B4GALT1: variants seen among roughly 807,000 people sequenced by gnomAD.
The protein encoded by B4GALT1 is N-acetyllactosamine synthase.
B4GALT1 carries 16 observed loss-of-function variants against 34.9 expected under a neutral mutation model. The ratio of observed to expected loss-of-function variants is 0.46; its 90% CI spans 0.31 to 0.70. The LOEUF (loss-of-function observed/expected upper bound fraction) is 0.70, where lower values mean the gene tolerates loss of function less well. Among genes scored for constraint, B4GALT1 ranks in the 30% least tolerant of loss-of-function variants. The pLI is 0.05. For missense variants in B4GALT1, 445 were observed against 530.5 expected (o/e 0.84, Z 1.58); for synonymous variants, 221 against 218.1 (o/e 1.01, Z -0.12).
chr9:33,156,602 G>A (rs1335417686), intron 1 of B4GALT1, among the ~76,000 whole-genome samples: 1 of 152,192 alleles, frequency 6.6e-6, no homozygotes, highest in Non-Finnish European at 1.5e-5. Flanking sequence ...TTGGGCTATT[G>A]TAACAACTTA....
intron 3 of B4GALT1, 48 bp from the exon 4 acceptor site, chr9:33,116,161 T>C (rs774521170): frequency 1.2e-6 from 2 of 1,601,286 alleles, no homozygotes; most frequent in Admixed American, 1.7e-5. Context: ...AGTTAAGTTC[T>C]GACATCCCCA....
intron 2 of B4GALT1, among the ~76,000 whole-genome samples, chr9:33,126,231 T>C (rs911896319): frequency 3.3e-5 from 5 of 152,000 alleles, no homozygotes; most frequent in Non-Finnish European, 7.4e-5. Flanking sequence ...GTGGGTTGCA[T>C]GAAACAGTAA....
chr9:33,168,804 C>T (rs1430481657), upstream of B4GALT1, among the ~76,000 whole-genome samples: 1 of 152,206 alleles, frequency 6.6e-6, no homozygotes, highest in African/African-American at 2.4e-5. Flanking sequence ...AGATCTCTTC[C>T]CTGACCTCCA....
chr9:33,114,742 A>G (rs1198307540), intron 4 of B4GALT1, among the ~76,000 whole-genome samples: 1 of 152,214 alleles, frequency 6.6e-6, no homozygotes, highest in Non-Finnish European at 1.5e-5. Flanking sequence ...AAGAGGCAGA[A>G]CTGGCTGATC....
chr9:33,173,416 CAA>C, the B4GALT1 span, among the ~76,000 whole-genome samples: 8 of 101,156 alleles, frequency 7.9e-5, no homozygotes, highest in East Asian at 2.9e-4. Context: ...AAAAAAAAAG[CAA>C]AAAAAAAAAA....
downstream of B4GALT1, among the ~76,000 whole-genome samples, chr9:33,106,996 CCT>C (rs1258742929): frequency 3.3e-5 from 5 of 152,224 alleles, no homozygotes; most frequent in East Asian, 9.7e-4. Context: ...ATCATTGTGC[CCT>C]CTCTCTACTC....
At chr9:33,105,880 GTTTT>G (rs35330697), downstream of B4GALT1, among the ~76,000 whole-genome samples, 30 of 85,750 alleles carry the variant, frequency 3.5e-4, no homozygotes, top group South Asian at 2.8e-3. Context: ...GGACTCGTGG[GTTTT>G]TTTTTTTTTT....
intron 1 of B4GALT1, among the ~76,000 whole-genome samples, chr9:33,149,523 A>ACCC: frequency 6.6e-6 from 1 of 152,104 alleles, no homozygotes; most frequent in East Asian, 1.9e-4. Context: ...GACCTCAAGC[A>ACCC]ATTTGCCCGC....
At position 33,120,615 on chromosome 9, in the gene B4GALT1, G is replaced by C. The variant is rs779774779; in HGVS notation, c.649-9C>G. The C allele has an allele frequency of 4.3e-6, 7 of 1,613,958 alleles. No homozygotes were observed. Among genetic ancestry groups the C allele is most frequent in the Non-Finnish European group, 5.9e-6 (7 of 1,179,956 alleles). Reference sequence around the variant, plus strand: ...AATATAGTGTCTCCCGCCTGGTGCAGAAACAAAAACAGTGATATCAAATGC... The same window carrying C: ...AATATAGTGTCTCCCGCCTGGTGCACAAACAAAAACAGTGATATCAAATGC... On this transcript the variant is annotated splice_polypyrimidine_tract_variant and intron_variant, in intron 2 of 5. Transcript: ENST00000379731.
intron 2 of B4GALT1, among the ~76,000 whole-genome samples, chr9:33,129,529 G>A (rs939101684): frequency 3.9e-5 from 6 of 152,188 alleles, no homozygotes; most frequent in African/African-American, 1.2e-4. Flanking sequence ...ATAAACAAAG[G>A]GGCAGGAATC....
chr9:33,108,338 T>C (rs1353508115), downstream of B4GALT1, among the ~76,000 whole-genome samples: 1 of 151,014 alleles, frequency 6.6e-6, no homozygotes, highest in Non-Finnish European at 1.5e-5. Flanking sequence ...AGGGGCCAGG[T>C]GCAGTGGCTC....
intron 1 of B4GALT1, among the ~76,000 whole-genome samples, chr9:33,137,239 T>C (rs1030311291): frequency 1.3e-5 from 2 of 152,228 alleles, no homozygotes; most frequent in Admixed American, 6.5e-5. Flanking sequence ...CCTTAAGCCA[T>C]GCCTGTCCAC....
At chr9:33,115,170 G>C (rs1349555415) in intron 4 of B4GALT1, among the ~76,000 whole-genome samples, 1 of 152,306 alleles carries the variant, frequency 6.6e-6, no homozygotes, top group East Asian at 1.9e-4. Context: ...TTGAAGACGT[G>C]GGTCTCTGTT....
In B4GALT1 at chr9:33,120,594, T is replaced by C. The variant is rs761463843; in HGVS notation, c.661A>G (p.Ile221Val). Residue 221 changes from isoleucine to valine, a missense_variant, in exon 3 of 6, where the codon ATA (isoleucine) becomes GTA (valine). Physicochemically the swap from Ile to Val is conservative, Grantham distance 29. Transcript: ENST00000379731. Reference sequence around the variant, plus strand: ...TTGAGGAGCTTAGCACGATTGAATATAGTGTCTCCCGCCTGGTGCAGAAAC... The same window carrying C: ...TTGAGGAGCTTAGCACGATTGAATACAGTGTCTCCCGCCTGGTGCAGAAAC... ...IYVINQAGDT[I>V]FNRAKLLNVG... is the part of the protein sequence containing the mutation. The C allele has an allele frequency of 5.1e-5, 82 of 1,614,084 alleles. No individual in the cohort carries two copies. The highest frequency in any genetic ancestry group is 1.6e-4 in the Middle Eastern group (1 of 6,084).
At chr9:33,106,085 C>T (rs570332716), downstream of B4GALT1, among the ~76,000 whole-genome samples, 5 of 152,278 alleles carry the variant, frequency 3.3e-5, no homozygotes, top group South Asian at 2.1e-4. Context: ...ACCAGCAATG[C>T]ACAAGTATTC....
intron 1 of B4GALT1, among the ~76,000 whole-genome samples, chr9:33,150,144 G>GAT: frequency 6.7e-6 from 1 of 148,924 alleles, no homozygotes; most frequent in South Asian, 2.1e-4. Flanking sequence ...TATAGATATA[G>GAT]ATATATACAC....
intron 1 of B4GALT1, among the ~76,000 whole-genome samples, chr9:33,152,197 G>C (rs1003945885): frequency 1.3e-4 from 20 of 151,906 alleles, no homozygotes; most frequent in African/African-American, 4.4e-4. Context: ...ACAGCTTCTC[G>C]GGAAGCTGAG....
In B4GALT1 at chr9:33,161,851, G is replaced by A. The variant is rs117007002; in HGVS notation, c.412+4907C>T. On this transcript the variant is annotated intron_variant, in intron 1 of 5. Coordinates refer to ENST00000379731, the MANE Select transcript of B4GALT1 (RefSeq NM_001497.4). ...ACAAAGAGTAAGAAACAAGGTACAG[G>A]AGGCACTGGGTAAACAGATAGCAGG... 6.6e-3 allele frequency among the ~76,000 whole-genome samples: 1,006 copies of A among 152,294 alleles called. 4 individuals are homozygous for A. Among genetic ancestry groups the A allele is most frequent in the Non-Finnish European group, 9.8e-3 (666 of 68,020 alleles).
At chr9:33,161,817 G>A (rs886727951) in intron 1 of B4GALT1, among the ~76,000 whole-genome samples, 2 of 152,206 alleles carry the variant, frequency 1.3e-5, no homozygotes, top group African/African-American at 2.4e-5. Flanking sequence ...TTCATAGTAA[G>A]AGCAGAGAAC....
Sources: gnomAD v4.1 joint callset for allele counts (sites outside exome capture counted in the v4.1 genomes callset) on GRCh38, gnomAD v4.1.1 for gene constraint, MANE v1.5 for transcripts, NCBI Gene and HGNC (gene_info 2026-07-23, HGNC 2026-07-21) for gene names.